The following RARB variants were observed in gnomAD, a reference collection of about 807,000 sequenced individuals.
RARB encodes HBV-activated protein.
In RARB, 17 loss-of-function variants were observed where a neutral mutation model predicts 51.9. The observed-to-expected ratio is 0.33, with a 90% CI of 0.22 to 0.49. The LOEUF is 0.49. Ranked by LOEUF, RARB falls within the 20% of genes least tolerant of loss-of-function variation. The probability of loss-of-function intolerance (pLI) is 0.99; values close to 1 mark genes in which losing one functional copy is unlikely to be tolerated. For missense variants in RARB, 369 were observed against 550.8 expected (o/e 0.67, Z 3.30); for synonymous variants, 215 against 195.4 (o/e 1.10, Z -0.84).
At chr3:25,561,242 T>C (rs1284761181) in intron 3 of RARB, among the ~76,000 whole-genome samples, 8 of 152,134 alleles carry the variant, frequency 5.3e-5, no homozygotes, top group Non-Finnish European at 1.2e-4. Context: ...GATCTTTGAG[T>C]GGTAGGAATG....
intron 2 of RARB, among the ~76,000 whole-genome samples, chr3:25,008,074 G>T (rs1270183430): frequency 6.6e-6 from 1 of 152,122 alleles, no homozygotes; most frequent in Non-Finnish European, 1.5e-5. Context: ...GAATCTTGAA[G>T]TCTCTTACAG....
intron 2 of RARB, among the ~76,000 whole-genome samples, chr3:24,867,719 T>C (rs987103541): frequency 2.0e-5 from 3 of 152,152 alleles, no homozygotes; most frequent in African/African-American, 7.2e-5. Flanking sequence ...GTCGTTTTTG[T>C]GTATACTTGC....
At position 25,144,032 on chromosome 3, in the gene RARB, A is replaced by G. The variant is rs538619020; in HGVS notation, c.-280+11824A>G. On this transcript the variant is annotated intron_variant, in intron 4 of 11. Coordinates refer to the RARB transcript ENST00000383772. ...CCAGAGTCAAAGGCCCCAGAACAAA[A>G]TTTTTTCTTATGGGAATCAATTTGC... Among the ~76,000 whole-genome samples the G allele has an allele frequency of 2.6e-5, 4 of 152,142 alleles. No homozygotes were observed. In the East Asian group the frequency reaches 7.7e-4, roughly 29 times the overall value.
At chr3:25,530,428 A>G (rs1032132388) in intron 3 of RARB, among the ~76,000 whole-genome samples, 5 of 152,174 alleles carry the variant, frequency 3.3e-5, no homozygotes, top group Non-Finnish European at 7.3e-5. Context: ...GACGTCCACA[A>G]TGGGTCTCAC....
intron 3 of RARB, among the ~76,000 whole-genome samples, chr3:25,102,897 C>G (rs371481452): frequency 6.6e-5 from 10 of 152,062 alleles, no homozygotes; most frequent in African/African-American, 2.4e-4. Context: ...ACTAAAAATA[C>G]AAAATTAGCT....
intron 2 of RARB, among the ~76,000 whole-genome samples, chr3:24,886,429 A>G (rs928342826): frequency 1.4e-5 from 2 of 146,318 alleles, no homozygotes; most frequent in Admixed American, 7.3e-5. Context: ...CTCCCAGCAT[A>G]AAGTATCTGT....
chr3:25,327,191 G>A (rs1196514354), intron 5 of RARB, among the ~76,000 whole-genome samples: 3 of 152,058 alleles, frequency 2.0e-5, no homozygotes, highest in African/African-American at 7.2e-5. Flanking sequence ...GAATTACAGG[G>A]AGAAATAAGA....
chr3:25,590,362 C>G (rs1181761448), intron 5 of RARB, among the ~76,000 whole-genome samples: 1 of 152,186 alleles, frequency 6.6e-6, no homozygotes, highest in Non-Finnish European at 1.5e-5. Flanking sequence ...TCCGACAAAT[C>G]TCTGGATTCT....
At chr3:24,974,568 A>G (rs563742750) in intron 2 of RARB, among the ~76,000 whole-genome samples, 257 of 152,220 alleles carry the variant, frequency 1.7e-3, no homozygotes, top group African/African-American at 5.9e-3. Context: ...TATTTTATTC[A>G]CCATTACATC....
chr3:25,482,060 C>T (rs1696250374), intron 2 of RARB, among the ~76,000 whole-genome samples: 1 of 152,198 alleles, frequency 6.6e-6, no homozygotes, highest in African/African-American at 2.4e-5. Flanking sequence ...GACCCAAGCC[C>T]CCAACCACTA....
At chr3:25,308,238 A>G (rs1704199532) in intron 5 of RARB, among the ~76,000 whole-genome samples, 1 of 152,146 alleles carries the variant, frequency 6.6e-6, no homozygotes, top group Admixed American at 6.5e-5. Flanking sequence ...GAACTTTTTA[A>G]GTCTCCAAAC....
intron 5 of RARB, among the ~76,000 whole-genome samples, chr3:25,279,840 C>A (rs971650030): frequency 6.6e-6 from 1 of 152,030 alleles, no homozygotes; most frequent in South Asian, 2.1e-4. Flanking sequence ...TTATATTATA[C>A]ATCCTGTGTC....
At chr3:24,933,569 G>A (rs1695486611) in intron 2 of RARB, among the ~76,000 whole-genome samples, 3 of 152,050 alleles carry the variant, frequency 2.0e-5, no homozygotes, top group Admixed American at 2.0e-4. Context: ...GGGCTTATGG[G>A]CAGAGCAAAT....
intron 5 of RARB, among the ~76,000 whole-genome samples, chr3:25,364,096 T>C (rs1706038970): frequency 6.6e-6 from 1 of 152,200 alleles, no homozygotes. Context: ...GCACTTCTTA[T>C]CTTTTAGCAT....
chr3:25,054,352 G>A (rs1425987816), intron 2 of RARB, among the ~76,000 whole-genome samples: 4 of 152,192 alleles, frequency 2.6e-5, no homozygotes, highest in African/African-American at 7.2e-5. Context: ...GGGGAGCCAT[G>A]TGAATGCCTC....
intron 3 of RARB, among the ~76,000 whole-genome samples, chr3:25,562,170 A>G (rs1700296402): frequency 6.6e-6 from 1 of 152,184 alleles, no homozygotes; most frequent in Admixed American, 6.5e-5. Context: ...GCAGAAGTGA[A>G]CTTGAGTTTG....
At chr3:24,900,286 T>TAA (rs5847325) in intron 2 of RARB, among the ~76,000 whole-genome samples, 2,082 of 151,706 alleles carry the variant, frequency 0.014, 51 homozygotes, top group African/African-American at 0.048. Context: ...TTTTCCTTTG[T>TAA]AAAAAAAAAT....
At chr3:25,239,311 T>C (rs1439482826) in intron 5 of RARB, among the ~76,000 whole-genome samples, 1 of 152,212 alleles carries the variant, frequency 6.6e-6, no homozygotes, top group Non-Finnish European at 1.5e-5. Context: ...TTTAATATAG[T>C]ACCGTTTGTT....
At chr3:24,995,954 A>G (rs1287689438) in intron 2 of RARB, among the ~76,000 whole-genome samples, 1 of 152,022 alleles carries the variant, frequency 6.6e-6, no homozygotes, top group Non-Finnish European at 1.5e-5. Context: ...TTTTGGTGTC[A>G]AGGATATGCT....
Sources: gnomAD v4.1 joint callset for allele counts (sites outside exome capture counted in the v4.1 genomes callset) on GRCh38, gnomAD v4.1.1 for gene constraint, MANE v1.5 for transcripts, NCBI Gene and HGNC (gene_info 2026-07-23, HGNC 2026-07-21) for gene names.